Variants in COL24A1 observed in about 807,000 individuals in gnomAD.
COL24A1 encodes collagen type XXIV alpha 1 chain, also known as collagen alpha-1(XXIV) chain.
Under a neutral mutation model 253.9 loss-of-function variants are expected in COL24A1, and 224 were observed. That is an observed-to-expected ratio of 0.88 (90% CI 0.79 to 0.99). The LOEUF (loss-of-function observed/expected upper bound fraction) is 0.99, where lower values mean the gene tolerates loss of function less well. Among genes scored for constraint, COL24A1 ranks in the 50% least tolerant of loss-of-function variants. The probability of loss-of-function intolerance (pLI) is 0.00; values close to 1 mark genes in which losing one functional copy is unlikely to be tolerated. For synonymous variants in COL24A1, 685 were observed against 673.7 expected, an observed-to-expected ratio of 1.02 and a Z score of -0.26; for missense variants, 2,131 against 2,068.5, an observed-to-expected ratio of 1.03 and a Z score of -0.59.
rs778472644 is a variant in COL24A1, at chr1:85,896,026, G to C, written c.2872C>G (p.Leu958Val). 6.2e-7 allele frequency: 1 copy of C among 1,611,650 alleles called. No homozygotes were observed. Among genetic ancestry groups the C allele is most frequent in the South Asian group, 1.1e-5 (1 of 90,368 alleles). The change falls in exon 30 of 60, where the codon CTT becomes GTT. Residue 958 changes from leucine to valine, a missense_variant. Physicochemically the swap from Leu to Val is conservative, Grantham distance 32. Coordinates refer to ENST00000370571, the MANE Select transcript of COL24A1 (RefSeq NM_152890.7). ...GDQGKRGPHG[L>V]IGKTGNPGER... is the part of the protein sequence containing the mutation. The stretch of plus-strand genomic sequence containing the variant: ...TGAAATGTTTTATTACTTACAATAA[G>C]ACCATGAGGCCCTCTTTTTCCTTGA...
At chr1:85,943,943 A>G (rs1412145695) in intron 24 of COL24A1, among the ~76,000 whole-genome samples, 4 of 152,190 alleles carry the variant, frequency 2.6e-5, no homozygotes, top group African/African-American at 9.7e-5. Context: ...TGCAAATTTG[A>G]CTCCATGAAA....
rs777174671 is a variant in COL24A1, at chr1:86,115,317, C to T, written c.1545+8G>A. The T allele has an allele frequency of 6.2e-7, 1 of 1,613,596 alleles. No homozygotes were observed. The highest frequency in any genetic ancestry group is 8.5e-7 in the Non-Finnish European group (1 of 1,179,650). On this transcript the variant is annotated splice_region_variant and intron_variant, in intron 4 of 59. Transcript: ENST00000370571. ...ACTGCCAGCAGGAAATATAGCCCAT[C>T]TACTTACCCGTGGACCTCTCTTCCC...
At chr1:85,862,809 T>C (rs1679308592) in intron 37 of COL24A1, among the ~76,000 whole-genome samples, 1 of 152,206 alleles carries the variant, frequency 6.6e-6, no homozygotes, top group South Asian at 2.1e-4. Context: ...CAACTGATTG[T>C]TTCCAAGGAA....
At chr1:85,847,612 C>T (rs1415996775) in intron 39 of COL24A1, 53 bp downstream of exon 39, 7 of 1,276,008 alleles carry the variant, frequency 5.5e-6, no homozygotes, top group South Asian at 2.5e-5. Context: ...GGCATGGATA[C>T]GTTTCTTTCC....
intron 24 of COL24A1, among the ~76,000 whole-genome samples, chr1:85,926,124 G>C (rs1245066820): frequency 2.0e-5 from 3 of 152,186 alleles, no homozygotes; most frequent in Non-Finnish European, 4.4e-5. Context: ...ACCACAATGA[G>C]ATACCAGCTC....
At chr1:85,889,731 C>CTT (rs367651086) in intron 31 of COL24A1, 118 bp from the exon 32 acceptor site, 299 of 636,582 alleles carry the variant, frequency 4.7e-4, no homozygotes, top group African/African-American at 1.2e-3. Flanking sequence ...TATTGCTATT[C>CTT]TTTTTTTTTT....
At chr1:86,046,618 T>G (rs1699923271) in intron 12 of COL24A1, among the ~76,000 whole-genome samples, 1 of 152,194 alleles carries the variant, frequency 6.6e-6, no homozygotes, top group East Asian at 1.9e-4. Context: ...GGGTTAGAAG[T>G]GTTCAAAGTT....
At chr1:86,058,851 T>C (rs1174789350) in intron 9 of COL24A1, among the ~76,000 whole-genome samples, 2 of 152,150 alleles carry the variant, frequency 1.3e-5, no homozygotes, top group African/African-American at 4.8e-5. Context: ...AGGACTGTTT[T>C]AAGAACTTAT....
intron 25 of COL24A1, among the ~76,000 whole-genome samples, 189 bp downstream of exon 25, chr1:85,911,191 C>G (rs1296531350): frequency 3.3e-5 from 5 of 151,914 alleles, no homozygotes; most frequent in Admixed American, 3.3e-4. Context: ...CAAAAGGGTA[C>G]TCTGCCCTTT....
At chr1:86,102,319 A>AT (rs1307273071) in intron 5 of COL24A1, among the ~76,000 whole-genome samples, 6 of 151,340 alleles carry the variant, frequency 4.0e-5, no homozygotes, top group Admixed American at 3.9e-4. Context: ...TATTTTACTA[A>AT]TTTTTTCAAA....
intron 2 of COL24A1, among the ~76,000 whole-genome samples, chr1:86,131,890 C>G (rs1259328700): frequency 6.6e-6 from 1 of 152,176 alleles, no homozygotes; most frequent in Non-Finnish European, 1.5e-5. Context: ...AATGGGATGG[C>G]TGGATCAAAT....
intron 37 of COL24A1, among the ~76,000 whole-genome samples, chr1:85,849,834 G>C (rs1178223298): frequency 1.3e-5 from 2 of 152,128 alleles, no homozygotes; most frequent in African/African-American, 4.8e-5. Context: ...AGCATCTTGT[G>C]GAAAGTACAG....
chr1:85,985,601 T>A (rs920995708), intron 20 of COL24A1, among the ~76,000 whole-genome samples: 1 of 151,734 alleles, frequency 6.6e-6, no homozygotes, highest in African/African-American at 2.4e-5. Context: ...GAACAACTAC[T>A]GAAGGACAAT....
chr1:85,959,254 T>C (rs956889438), intron 24 of COL24A1, among the ~76,000 whole-genome samples: 1 of 152,260 alleles, frequency 6.6e-6, no homozygotes, highest in African/African-American at 2.4e-5. Context: ...AGACATTTTA[T>C]ATATTTGAAT....
intron 24 of COL24A1, among the ~76,000 whole-genome samples, chr1:85,935,354 T>A (rs976940428): frequency 6.8e-6 from 1 of 147,450 alleles, no homozygotes; most frequent in African/African-American, 2.5e-5. Flanking sequence ...TACTGTCTAT[T>A]TTTTTCCATA....
At chr1:86,021,110 T>TA (rs1697493259) in intron 18 of COL24A1, among the ~76,000 whole-genome samples, 30 of 152,014 alleles carry the variant, frequency 2.0e-4, no homozygotes, top group Middle Eastern at 3.4e-3. Flanking sequence ...CTTCCTGAGA[T>TA]TAAAAAAATA....
chr1:86,125,493 C>T lies in COL24A1; in HGVS notation c.843G>A (p.Glu281=), dbSNP rs1310390546. 1 of 1,613,380 alleles carries T rather than the reference C, an allele frequency of 6.2e-7. No individual in the cohort carries two copies. Among genetic ancestry groups the T allele is most frequent in the Non-Finnish European group, 8.5e-7 (1 of 1,179,762 alleles). Residue 281 remains glutamate, a synonymous_variant, in exon 3 of 60, where the codon GAG becomes GAA. Transcript: ENST00000370571. ...TGCTTTTGCCTTCAGTAAATGTATC[C>T]TCTGACAGTACTTTTTCAGCAAATA... is the stretch of plus-strand genomic sequence containing the variant. The part of the protein sequence containing the change: ...PKLFAEKVLS[E]DTFTEGKSIP...
chr1:86,086,265 C>T (rs1703056882), intron 7 of COL24A1, among the ~76,000 whole-genome samples: 1 of 152,124 alleles, frequency 6.6e-6, no homozygotes, highest in Non-Finnish European at 1.5e-5. Flanking sequence ...ATACCACTGT[C>T]TAACAAATAT....
At chr1:85,974,463 G>C (rs1300670360) in intron 20 of COL24A1, among the ~76,000 whole-genome samples, 1 of 152,080 alleles carries the variant, frequency 6.6e-6, no homozygotes, top group East Asian at 1.9e-4. Flanking sequence ...AGACAAAATT[G>C]AATGGAAGAA....
Sources: gnomAD v4.1 joint callset for allele counts (sites outside exome capture counted in the v4.1 genomes callset) on GRCh38, gnomAD v4.1.1 for gene constraint, MANE v1.5 for transcripts, NCBI Gene and HGNC (gene_info 2026-07-23, HGNC 2026-07-21) for gene names.